The following KHDRBS2 variants were observed in gnomAD, a reference collection of about 807,000 sequenced individuals.
KHDRBS2 encodes the protein KH domain-containing, RNA-binding, signal transduction-associated protein 2.
A neutral mutation model predicts 44.3 loss-of-function variants in KHDRBS2; 26 were observed. The ratio of observed to expected loss-of-function variants is 0.59; its 90% CI spans 0.43 to 0.81. The LOEUF is 0.81. Among genes scored for constraint, KHDRBS2 ranks in the 40% least tolerant of loss-of-function variants. KHDRBS2 has a pLI of 0.00. For missense variants in KHDRBS2, 476 were observed against 433.1 expected (o/e 1.10, Z -0.88); for synonymous variants, 194 against 151.1 (o/e 1.28, Z -2.08).
chr6:61,550,156 A>C, the KHDRBS2 span, among the ~76,000 whole-genome samples: 1 of 152,262 alleles, frequency 6.6e-6, no homozygotes, highest in Non-Finnish European at 1.5e-5. Flanking sequence ...CCCAGGTAAC[A>C]AGCATAGTAC....
Position 61,776,996 on chromosome 6 carries a change from G to A in KHDRBS2, c.811-44232C>T, listed in dbSNP as rs12193496. Among the ~76,000 whole-genome samples, 1,442 of 152,276 alleles carry A rather than the reference G, an allele frequency of 9.5e-3. 9 individuals are homozygous for A. Among genetic ancestry groups the A allele is most frequent in the Admixed American group, 0.015 (237 of 15,292 alleles). On this transcript the variant is annotated intron_variant, in intron 6 of 8. Coordinates refer to ENST00000281156, the MANE Select transcript of KHDRBS2 (RefSeq NM_152688.4). ...AGTTCATGTCCTTTGTAGGGACATG[G>A]ACGAAACTGGAAACCGTCATTCTCA...
intron 7 of KHDRBS2, among the ~76,000 whole-genome samples, chr6:61,718,184 T>C (rs1254542853): frequency 6.6e-6 from 1 of 152,026 alleles, no homozygotes; most frequent in Non-Finnish European, 1.5e-5. Flanking sequence ...CTCCAAGTAG[T>C]GTTTGAGCAA....
chr6:62,129,380 G>A (rs530449125), intron 2 of KHDRBS2, among the ~76,000 whole-genome samples: 1 of 152,186 alleles, frequency 6.6e-6, no homozygotes, highest in African/African-American at 2.4e-5. Flanking sequence ...GTGAAAAAAA[G>A]TGCAGTCATG....
At chr6:61,969,539 G>A (rs1770869166) in intron 4 of KHDRBS2, among the ~76,000 whole-genome samples, 1 of 151,912 alleles carries the variant, frequency 6.6e-6, no homozygotes, top group African/African-American at 2.4e-5. Flanking sequence ...CCCTTTATTT[G>A]TAAAACATTT....
intron 6 of KHDRBS2, among the ~76,000 whole-genome samples, chr6:61,833,908 A>C (rs1258200518): frequency 6.6e-6 from 1 of 152,058 alleles, no homozygotes; most frequent in Non-Finnish European, 1.5e-5. Context: ...CTTCATTTGA[A>C]TGTTTTTCAA....
the KHDRBS2 span, among the ~76,000 whole-genome samples, chr6:61,602,414 T>C: frequency 0.81 from 122,797 of 152,046 alleles, 50,102 homozygotes; most frequent in African/African-American, 0.91. Flanking sequence ...GGAATGCCTG[T>C]AGCCCAGGAT....
chr6:61,723,000 CGAGGAAGAAGCA>C (rs1288809885), intron 7 of KHDRBS2, among the ~76,000 whole-genome samples: 2 of 151,990 alleles, frequency 1.3e-5, no homozygotes, highest in Admixed American at 6.6e-5. Context: ...TGAGCTGCGG[CGAGGAAGAAGCA>C]GAGGAAGAAG....
the KHDRBS2 span, among the ~76,000 whole-genome samples, chr6:61,616,962 T>C: frequency 6.6e-6 from 1 of 152,192 alleles, no homozygotes; most frequent in African/African-American, 2.4e-5. Context: ...ACTTATTTTA[T>C]TGAGTACTTT....
chr6:61,901,291 T>A lies in KHDRBS2; in HGVS notation c.564A>T (p.Arg188Ser), dbSNP rs1400843590. 1 of 1,613,660 alleles carries A rather than the reference T, an allele frequency of 6.2e-7. No individual in the cohort carries two copies. Among genetic ancestry groups the A allele is most frequent in the Non-Finnish European group, 8.5e-7 (1 of 1,179,646 alleles). The change falls in exon 5 of 9, where the codon AGA becomes AGT. Residue 188 changes from arginine (R) to serine (S), a missense_variant. Arg to Ser is a moderately radical substitution (Grantham distance 110). Coordinates refer to ENST00000281156, the MANE Select transcript of KHDRBS2 (RefSeq NM_152688.4). ...TTCTGATCCCTCTGCCTCTAATACC[T>A]CTGCCACGACCAGAGTCCTCTGAGC... is the stretch of plus-strand genomic sequence containing the variant. Reference protein sequence around the residue: ...LNGSEDSGRGRGIRGRGIRIA... With the variant: ...LNGSEDSGRGSGIRGRGIRIA...
At chr6:61,892,055 T>A (rs1471892776) in intron 6 of KHDRBS2, among the ~76,000 whole-genome samples, 1 of 152,174 alleles carries the variant, frequency 6.6e-6, no homozygotes, top group East Asian at 1.9e-4. Context: ...CAGCAAAGTC[T>A]CAAGATACAA....
intron 2 of KHDRBS2, among the ~76,000 whole-genome samples, chr6:62,123,531 T>C (rs1451347724): frequency 6.6e-6 from 1 of 152,196 alleles, no homozygotes; most frequent in African/African-American, 2.4e-5. Flanking sequence ...ACAAAATGTA[T>C]CCTGCACCCT....
At position 62,109,325 on chromosome 6, in the gene KHDRBS2, T is replaced by A. The variant is rs115853388; in HGVS notation, c.220-61331A>T. Among the ~76,000 whole-genome samples the A allele has an allele frequency of 3.8e-3, 580 of 152,090 alleles. 1 individual carries two copies. The highest frequency in any genetic ancestry group is 0.014 in the African/African-American group (561 of 41,540). ...AATTTTTAAAAAAAGTACTTTCCAA[T>A]CTAGAAAAAATGAAAATTCCTTATT... is the stretch of plus-strand genomic sequence containing the variant. On this transcript the variant is annotated intron_variant, in intron 2 of 8. Transcript: ENST00000281156.
chr6:62,208,230 GT>G lies in KHDRBS2; in HGVS notation c.92-30919del, dbSNP rs555067007. 9.5e-4 allele frequency among the ~76,000 whole-genome samples: 144 copies of G among 152,044 alleles called. 2 individuals are homozygous for G. The South Asian group carries it at 0.011, about 11-fold the overall frequency. On this transcript the variant is annotated intron_variant, in intron 1 of 8. Coordinates refer to ENST00000281156, the MANE Select transcript of KHDRBS2 (RefSeq NM_152688.4). The stretch of plus-strand genomic sequence containing the variant: ...GGCAATATCTACAAATTTTTTTCTT[GT>G]TTTTTACAGACAAGGTCTCCCTTTG...
chr6:61,572,146 A>G, the KHDRBS2 span, among the ~76,000 whole-genome samples: 19 of 152,162 alleles, frequency 1.2e-4, no homozygotes, highest in Non-Finnish European at 2.5e-4. Context: ...ATTAAAACTG[A>G]TATCACAGAA....
chr6:61,942,002 C>T (rs1236742956), intron 4 of KHDRBS2, among the ~76,000 whole-genome samples: 1 of 151,744 alleles, frequency 6.6e-6, no homozygotes, highest in East Asian at 1.9e-4. Flanking sequence ...GTTCTGTGAC[C>T]CAGGCTGGAG....
chr6:61,605,379 T>A, the KHDRBS2 span, among the ~76,000 whole-genome samples: 1 of 152,220 alleles, frequency 6.6e-6, no homozygotes, highest in South Asian at 2.1e-4. Flanking sequence ...ATAGCTGATA[T>A]CTCCTGGTGC....
intron 1 of KHDRBS2, among the ~76,000 whole-genome samples, chr6:62,188,492 G>C (rs924614401): frequency 6.6e-6 from 1 of 152,138 alleles, no homozygotes; most frequent in Non-Finnish European, 1.5e-5. Flanking sequence ...AAATGTAAAA[G>C]AGGGTAATGG....
At chr6:61,849,392 A>T (rs1302140472) in intron 6 of KHDRBS2, among the ~76,000 whole-genome samples, 2 of 152,098 alleles carry the variant, frequency 1.3e-5, no homozygotes, top group African/African-American at 4.8e-5. Context: ...AGAACAATTT[A>T]TATTTCCAAA....
At chr6:61,732,824 T>C in intron 6 of KHDRBS2, 60 bp from the exon 7 acceptor site, 1 of 887,362 alleles carries the variant, frequency 1.1e-6, no homozygotes, top group Non-Finnish European at 1.9e-6. Flanking sequence ...TGATCTGTTT[T>C]CAGTTAGCAC....
Sources: allele counts gnomAD v4.1 joint callset (sites outside exome capture counted in the v4.1 genomes callset), GRCh38; gene constraint gnomAD v4.1.1; transcripts MANE v1.5; gene names NCBI Gene and HGNC (gene_info 2026-07-23, HGNC 2026-07-21).